CRIPT: variants seen among roughly 807,000 people sequenced by gnomAD.
The protein encoded by CRIPT is CXXC repeat containing interactor of PDZ3 domain.
In CRIPT, 20 loss-of-function variants were observed where a neutral mutation model predicts 16.6. The observed-to-expected ratio is 1.20, with a 90% CI of 0.85 to 1.75. The LOEUF (loss-of-function observed/expected upper bound fraction) is 1.75. Among genes scored for constraint, CRIPT ranks in the 40% most tolerant of loss-of-function variants. CRIPT has a pLI of 0.00. For missense variants in CRIPT, 133 were observed against 115.3 expected, an observed-to-expected ratio of 1.15 and a Z score of -0.70; for synonymous variants, 42 against 37.0, an observed-to-expected ratio of 1.14 and a Z score of -0.49.
In CRIPT at chr2:46,627,782, T is replaced by A. The variant is rs1407832669; in HGVS notation, c.*3555T>A. Among the ~76,000 whole-genome samples, 1 of 152,090 alleles carries A rather than the reference T, an allele frequency of 6.6e-6. No individual in the cohort carries two copies. Among genetic ancestry groups the A allele is most frequent in the Non-Finnish European group, 1.5e-5 (1 of 68,006 alleles). ...ATCTTTAATCTATCTTGAGGTAATT[T>A]TATATATATGGTGAAAGGGGTCCAG... On this transcript the variant is annotated 3_prime_UTR_variant, in exon 5 of 5. Transcript: ENST00000238892.
chr2:46,619,129 CTG>C (rs1267726235), intron 2 of CRIPT, among the ~76,000 whole-genome samples: 1 of 152,040 alleles, frequency 6.6e-6, no homozygotes, highest in Admixed American at 6.6e-5. Context: ...TATTTAGAGT[CTG>C]TATTTAATTT....
intron 3 of CRIPT, among the ~76,000 whole-genome samples, chr2:46,623,192 T>C (rs1301264930): frequency 6.6e-6 from 1 of 152,192 alleles, no homozygotes; most frequent in African/African-American, 2.4e-5. Flanking sequence ...TCATTTGGTA[T>C]TGAAACAAAG....
In CRIPT at chr2:46,622,379, A is replaced by AG. The variant is rs1158939855; in HGVS notation, c.138-1385_138-1384insG. Among the ~76,000 whole-genome samples the AG allele has an allele frequency of 1.1e-4, 17 of 152,170 alleles. No homozygotes were observed. The East Asian group carries it at 3.3e-3, about 29-fold the overall frequency. ...AGCGAGACTCCGTCTCAAAAAAAAA[A>AG]AAAAAAGATTTCCAAGGTTACAATG... On this transcript the variant is annotated intron_variant, in intron 3 of 4. Coordinates refer to ENST00000238892, the MANE Select transcript of CRIPT (RefSeq NM_014171.6).
intron 3 of CRIPT, among the ~76,000 whole-genome samples, chr2:46,621,465 T>A (rs1670802754): frequency 6.6e-6 from 1 of 152,222 alleles, no homozygotes; most frequent in Non-Finnish European, 1.5e-5. Flanking sequence ...TAAACTAATC[T>A]CTTCTTTCCT....
chr2:46,618,317 G>A (rs1041962493), intron 1 of CRIPT, among the ~76,000 whole-genome samples: 1 of 151,870 alleles, frequency 6.6e-6, no homozygotes, highest in African/African-American at 2.4e-5. Context: ...ATATATAAAA[G>A]GTTTGTGTAC....
intron 3 of CRIPT, among the ~76,000 whole-genome samples, chr2:46,620,146 T>G (rs1378131324): frequency 6.6e-6 from 1 of 152,190 alleles, no homozygotes; most frequent in African/African-American, 2.4e-5. Context: ...CCACACTTTA[T>G]TATATCCAGC....
Position 46,626,421 on chromosome 2 carries a change from G to C in CRIPT, c.*2194G>C, listed in dbSNP as rs998046811. 6.6e-6 allele frequency among the ~76,000 whole-genome samples: 1 copy of C among 152,186 alleles called. No individual in the cohort carries two copies. Among genetic ancestry groups the C allele is most frequent in the Non-Finnish European group, 1.5e-5 (1 of 68,050 alleles). On this transcript the variant is annotated 3_prime_UTR_variant, in exon 5 of 5. Coordinates refer to ENST00000238892, the MANE Select transcript of CRIPT (RefSeq NM_014171.6). ...TGTGAGTGTATGTGTCTTTTTGGTA[G>C]AACAATTTATTTTCATTTGGATTTA...
intron 1 of CRIPT, 133 bp from the exon 2 acceptor site, chr2:46,618,640 C>T (rs1670727871): frequency 4.0e-6 from 2 of 495,606 alleles, no homozygotes; most frequent in Non-Finnish European, 7.2e-6. Flanking sequence ...AGTTGATTGG[C>T]TGCTCTCCCA....
rs1188727559 is a variant in CRIPT at position 46,628,064 on chromosome 2, C to T, written c.*3837C>T. Among the ~76,000 whole-genome samples, 3 of 149,594 alleles carry T rather than the reference C, an allele frequency of 2.0e-5. No individual in the cohort carries two copies. Among genetic ancestry groups the T allele is most frequent in the African/African-American group, 7.4e-5 (3 of 40,764 alleles). On this transcript the variant is annotated 3_prime_UTR_variant, in exon 5 of 5. Coordinates refer to ENST00000238892, the MANE Select transcript of CRIPT (RefSeq NM_014171.6). ...TGATACCTCAGCTTTGTTTTATTTGCTTAGGATTGATTTTTTGGTTCCATA... is the reference window on the plus strand; with the variant it reads ...TGATACCTCAGCTTTGTTTTATTTGTTTAGGATTGATTTTTTGGTTCCATA...
rs1671020593 is a variant in CRIPT at position 46,629,503 on chromosome 2, A to G, written c.*5276A>G. Among the ~76,000 whole-genome samples, 1 of 152,128 alleles carries G rather than the reference A, an allele frequency of 6.6e-6. No homozygotes were observed. The highest frequency in any genetic ancestry group is 2.1e-4 in the South Asian group (1 of 4,816). On this transcript the variant is annotated 3_prime_UTR_variant, in exon 5 of 5. Transcript: ENST00000238892. ...ATATGTTGTATTGCCATAACCCTCT[A>G]ATCTGGAGCAGTTCCTCAGCTTTTC...
At chr2:46,619,117 C>T (rs1008767773) in intron 2 of CRIPT, among the ~76,000 whole-genome samples, 1 of 152,028 alleles carries the variant, frequency 6.6e-6, no homozygotes, top group African/African-American at 2.4e-5. Flanking sequence ...TTTGATTCAG[C>T]TTATTTAGAG....
chr2:46,623,081 G>A (rs1414090582), intron 3 of CRIPT, among the ~76,000 whole-genome samples: 1 of 151,956 alleles, frequency 6.6e-6, no homozygotes, highest in African/African-American at 2.4e-5. Context: ...TTATCTAAAA[G>A]GATTGAGTCA....
rs1270772255 is a variant in CRIPT at position 46,624,550 on chromosome 2, G to T, written c.*323G>T. The T allele has an allele frequency of 1.2e-5, 2 of 172,986 alleles. No individual in the cohort carries two copies. The highest frequency in any genetic ancestry group is 4.7e-5 in the African/African-American group (2 of 42,350). 10.7% of individuals were successfully genotyped at this position (172,986 alleles called of 1,614,324 possible). ...CACTTTATTTATAGATACTGCAAAA[G>T]TGAGAAGGAGATAATAGATACTTTG... is the stretch of plus-strand genomic sequence containing the variant. On this transcript the variant is annotated 3_prime_UTR_variant, in exon 5 of 5. Transcript: ENST00000238892.
chr2:46,623,208 T>G (rs1464695088), intron 3 of CRIPT, among the ~76,000 whole-genome samples: 2 of 152,204 alleles, frequency 1.3e-5, no homozygotes, highest in Non-Finnish European at 1.5e-5. Context: ...CAAAGCCTTT[T>G]GAGCATAAAT....
chr2:46,619,961 G>A (rs1426848048), intron 3 of CRIPT, among the ~76,000 whole-genome samples: 1 of 152,152 alleles, frequency 6.6e-6, no homozygotes, highest in African/African-American at 2.4e-5. Flanking sequence ...ATCAGAGACA[G>A]CAGGCAAATG....
intron 1 of CRIPT, among the ~76,000 whole-genome samples, chr2:46,617,618 C>A (rs550094190): frequency 6.6e-6 from 1 of 152,290 alleles, no homozygotes; most frequent in Non-Finnish European, 1.5e-5. Context: ...CTTGGCAATT[C>A]TTGATCTTTC....
At position 46,617,255 on chromosome 2, in the gene CRIPT, G is replaced by A. The variant is rs111261981; in HGVS notation, c.-28G>A. ...TCAGCCTGCTGCTGCTGCTGCTGTTGCGGCTAGGGGAACCGTCGTGGGGAA... is the reference window on the plus strand; with the variant it reads ...TCAGCCTGCTGCTGCTGCTGCTGTTACGGCTAGGGGAACCGTCGTGGGGAA... On this transcript the variant is annotated 5_prime_UTR_variant, in exon 1 of 5. Coordinates refer to ENST00000238892, the MANE Select transcript of CRIPT (RefSeq NM_014171.6). 6.4e-7 allele frequency: 1 copy of A among 1,553,864 alleles called. No individual in the cohort carries two copies. Among genetic ancestry groups the A allele is most frequent in the East Asian group, 2.4e-5 (1 of 41,770 alleles).
chr2:46,625,202 G>A lies in CRIPT; in HGVS notation c.*975G>A, dbSNP rs1220299877. 2 of 150,514 alleles carry A rather than the reference G, an allele frequency of 1.3e-5. No homozygotes were observed. Among genetic ancestry groups the A allele is most frequent in the African/African-American group, 4.9e-5 (2 of 40,844 alleles). 9.3% of individuals were successfully genotyped at this position (150,514 alleles called of 1,614,324 possible). On this transcript the variant is annotated 3_prime_UTR_variant, in exon 5 of 5. Transcript: ENST00000238892. ...TTCTTCCCCCTCAGCCTCCTAAGTA[G>A]CTGGGGACTACAGGCGTGTGCCACT...
chr2:46,623,976 CTCTT>C (rs1670873625), intron 4 of CRIPT, 109 bp downstream of exon 4: 1 of 685,178 alleles, frequency 1.5e-6, no homozygotes, highest in African/African-American at 1.9e-5. Context: ...GCCAAACACT[CTCTT>C]TATCCTAAGG....
Sources: gnomAD v4.1 joint callset for allele counts (sites outside exome capture counted in the v4.1 genomes callset) on GRCh38, gnomAD v4.1.1 for gene constraint, MANE v1.5 for transcripts, NCBI Gene and HGNC (gene_info 2026-07-23, HGNC 2026-07-21) for gene names.